Variants in MYBL1 observed in about 807,000 individuals in gnomAD.
MYBL1 encodes the protein myb-related protein A.
A neutral mutation model predicts 96.3 loss-of-function variants in MYBL1; 17 were observed. That is an observed-to-expected ratio of 0.18 (90% CI 0.12 to 0.26). MYBL1 has a LOEUF of 0.26. Ranked by LOEUF, MYBL1 falls within the 10% of genes least tolerant of loss-of-function variation. The probability of loss-of-function intolerance (pLI) is 1.00; values close to 1 mark genes in which losing one functional copy is unlikely to be tolerated. For synonymous variants in MYBL1, 282 were observed against 292.7 expected (o/e 0.96, Z 0.37); for missense variants, 701 against 882.9 (o/e 0.79, Z 2.61).
intron 6 of MYBL1, 23 bp downstream of exon 6, chr8:66,595,560 A>G (rs1809817516): frequency 2.2e-6 from 3 of 1,392,986 alleles, no homozygotes; most frequent in Non-Finnish European, 2.8e-6. Context: ...TTTTTAAATA[A>G]TAAAGGTATT....
chr8:66,601,965 G>C (rs997064835), intron 2 of MYBL1, among the ~76,000 whole-genome samples, 196 bp from the exon 3 acceptor site: 3 of 152,032 alleles, frequency 2.0e-5, no homozygotes, highest in African/African-American at 7.2e-5. Context: ...TCATGTCTCT[G>C]GTTGAAGAAA....
intron 12 of MYBL1, among the ~76,000 whole-genome samples, chr8:66,571,575 AT>A (rs1563527397): frequency 1.3e-5 from 2 of 152,194 alleles, no homozygotes; most frequent in African/African-American, 4.8e-5. Context: ...TAAAATGTAT[AT>A]TTCAGTATTA....
chr8:66,612,732 C>A, intron 1 of MYBL1, 87 bp downstream of exon 1: 1 of 1,295,658 alleles, frequency 7.7e-7, no homozygotes, highest in South Asian at 2.6e-5. Context: ...CAGGGAGGGC[C>A]TTATGGCGGG....
rs1809347266 is a variant in MYBL1 at position 66,584,797 on chromosome 8, CA to C, written c.868-4432del. On this transcript the variant is annotated intron_variant, in intron 8 of 15. Coordinates refer to ENST00000522677, the MANE Select transcript of MYBL1 (RefSeq NM_001080416.4). ...AAAGCAATGCCATTTACAATAGCTA[CA>C]AAAAAATAAAATACGTAGGATAAAT... Among the ~76,000 whole-genome samples, 8 of 151,040 alleles carry C rather than the reference CA, an allele frequency of 5.3e-5. No individual in the cohort carries two copies. In the South Asian group the frequency reaches 1.7e-3, roughly 32 times the overall value.
rs549369359 is a variant in MYBL1, at chr8:66,588,199, C to G, written c.867+4241G>C. On this transcript the variant is annotated intron_variant, in intron 8 of 15. Coordinates refer to ENST00000522677, the MANE Select transcript of MYBL1 (RefSeq NM_001080416.4). The stretch of plus-strand genomic sequence containing the variant: ...GTTGGTATGCAGGTGAGAAAAAGAT[C>G]CAACACACAAATAGGGCGATAACTG... Among the ~76,000 whole-genome samples the G allele has an allele frequency of 1.3e-4, 20 of 151,930 alleles. No homozygotes were observed. In the South Asian group the frequency reaches 4.2e-3, roughly 32 times the overall value.
intron 15 of MYBL1, 129 bp downstream of exon 15, chr8:66,565,934 GT>G: frequency 1.5e-6 from 1 of 662,028 alleles, no homozygotes; most frequent in Non-Finnish European, 2.5e-6. Flanking sequence ...TAAAATAATG[GT>G]AAATGTTTAG....
intron 14 of MYBL1, 80 bp downstream of exon 14, chr8:66,566,604 T>C (rs1442859513): frequency 1.1e-6 from 1 of 919,694 alleles, no homozygotes. Context: ...ATGAACTGGC[T>C]ACACAATGAG....
intron 7 of MYBL1, 91 bp downstream of exon 7, chr8:66,593,029 T>G: frequency 4.0e-6 from 3 of 748,610 alleles, no homozygotes; most frequent in Non-Finnish European, 6.6e-6. Context: ...ATTTTTATAC[T>G]AGTTTAATAG....
At chr8:66,594,505 T>C (rs1419749812) in intron 6 of MYBL1, among the ~76,000 whole-genome samples, 2 of 152,164 alleles carry the variant, frequency 1.3e-5, no homozygotes, top group African/African-American at 2.4e-5. Context: ...CTTTCCAACA[T>C]ATTTAGATTA....
At chr8:66,597,993 T>C (rs965216622) in intron 4 of MYBL1, among the ~76,000 whole-genome samples, 1 of 152,128 alleles carries the variant, frequency 6.6e-6, no homozygotes, top group Non-Finnish European at 1.5e-5. Context: ...TATTCTTTTT[T>C]CCACATTTTA....
Position 66,613,198 on chromosome 8 carries a change from C to T in MYBL1, c.-360G>A, listed in dbSNP as rs79415226. The T allele has an allele frequency of 7.0e-3, 2,815 of 400,386 alleles. 66 individuals carry two copies. The highest frequency in any genetic ancestry group is 0.049 in the African/African-American group (2,396 of 48,782). 24.8% of individuals were successfully genotyped at this position (400,386 alleles called of 1,614,324 possible). On this transcript the variant is annotated 5_prime_UTR_variant, in exon 1 of 16. Coordinates refer to ENST00000522677, the MANE Select transcript of MYBL1 (RefSeq NM_001080416.4). ...ACAGGCGCCCGACCCCTGCCCTCTC[C>T]CCCGCAGCTAGCAGTTCTGCAGGGC...
intron 2 of MYBL1, 83 bp downstream of exon 2, chr8:66,602,335 G>C: frequency 2.2e-6 from 2 of 904,160 alleles, no homozygotes; most frequent in Non-Finnish European, 3.2e-6. Context: ...ACAGGCGTGA[G>C]CCACCACACC....
At chr8:66,611,351 C>G (rs543566865) in intron 1 of MYBL1, among the ~76,000 whole-genome samples, 5 of 152,216 alleles carry the variant, frequency 3.3e-5, no homozygotes, top group African/African-American at 9.6e-5. Context: ...ACCAGTACTT[C>G]GGCAATCATA....
chr8:66,568,070 A>AACG (rs980123700), intron 12 of MYBL1, among the ~76,000 whole-genome samples: 7 of 151,712 alleles, frequency 4.6e-5, no homozygotes, highest in Admixed American at 3.3e-4. Flanking sequence ...AAACAACAAC[A>AACG]ACAAAACAAA....
rs920732807 is a variant in MYBL1 at position 66,580,200 on chromosome 8, G to A, written c.1034C>T (p.Ala345Val). ...CTGCAAAGAGGATAACACAGCGTTT[G>A]CCTCCACGGCCAGGAACTTTGTGGG... The part of the protein sequence containing the change: ...NSPTKFLAVE[A>V]NAVLSSLQTI... Residue 345 changes from alanine to valine, a missense_variant, in exon 9 of 16, where the codon GCA (alanine) becomes GTA (valine). Coordinates refer to ENST00000522677, the MANE Select transcript of MYBL1 (RefSeq NM_001080416.4). 1 of 1,613,972 alleles carries A rather than the reference G, an allele frequency of 6.2e-7. No individual in the cohort carries two copies. Among genetic ancestry groups the A allele is most frequent in the African/African-American group, 1.3e-5 (1 of 75,066 alleles).
At chr8:66,577,966 A>G (rs1809035244) in intron 9 of MYBL1, among the ~76,000 whole-genome samples, 1 of 152,244 alleles carries the variant, frequency 6.6e-6, no homozygotes, top group African/African-American at 2.4e-5. Flanking sequence ...CATGAGAAAA[A>G]CAAGCAATGG....
intron 4 of MYBL1, among the ~76,000 whole-genome samples, chr8:66,597,847 T>TA (rs1189665191): frequency 0.022 from 808 of 36,184 alleles, 53 homozygotes; most frequent in East Asian, 0.039. Flanking sequence ...CTCCTACATC[T>TA]AAAAAAAAAA....
At chr8:66,588,806 G>A (rs1022803421) in intron 8 of MYBL1, among the ~76,000 whole-genome samples, 1 of 152,184 alleles carries the variant, frequency 6.6e-6, no homozygotes, top group African/African-American at 2.4e-5. Flanking sequence ...TGGATCACGA[G>A]GTCAGGAAAT....
chr8:66,612,722 C>A, intron 1 of MYBL1, 97 bp downstream of exon 1: 2 of 1,284,730 alleles, frequency 1.6e-6, no homozygotes, highest in South Asian at 5.6e-5. Context: ...CTGCCCTCGC[C>A]AGGGAGGGCC....
Sources: gnomAD v4.1 joint callset for allele counts (sites outside exome capture counted in the v4.1 genomes callset) on GRCh38, gnomAD v4.1.1 for gene constraint, MANE v1.5 for transcripts, NCBI Gene and HGNC (gene_info 2026-07-23, HGNC 2026-07-21) for gene names.